Variants in NHS observed in about 807,000 individuals in gnomAD.
NHS encodes the protein actin remodeling regulator NHS.
A neutral mutation model predicts 72.5 loss-of-function variants in NHS; 5 were observed. The observed-to-expected ratio is 0.07, with a 90% confidence interval of 0.04 to 0.14. The LOEUF (loss-of-function observed/expected upper bound fraction) is 0.14. Among genes scored for constraint, NHS ranks in the 10% least tolerant of loss-of-function variants. NHS has a pLI of 1.00. For synonymous variants in NHS, 464 were observed against 547.7 expected, an observed-to-expected ratio of 0.85 and a Z score of 2.13; for missense variants, 1,072 against 1,355.7, an observed-to-expected ratio of 0.79 and a Z score of 3.29.
intron 3 of NHS, among the ~76,000 whole-genome samples, chrX:17,693,643 A>G (rs1465299057): frequency 1.8e-5 from 2 of 112,528 alleles, no homozygotes; most frequent in Non-Finnish European, 3.8e-5. Context: ...TAAGACCTTG[A>G]GTGATAATGG....
intron 1 of NHS, among the ~76,000 whole-genome samples, chrX:17,461,054 C>T (rs1601716464): frequency 8.9e-6 from 1 of 111,934 alleles, no homozygotes; most frequent in Non-Finnish European, 1.9e-5. Flanking sequence ...CTACTTTGTG[C>T]GTGGAACTTT....
intron 1 of NHS, among the ~76,000 whole-genome samples, chrX:17,408,955 G>T (rs1256607759): frequency 1.3e-5 from 1 of 79,592 alleles, no homozygotes; most frequent in East Asian, 3.0e-4. Flanking sequence ...ACGGAGAGAG[G>T]AGAGAGAGAG....
At chrX:17,478,955 G>C (rs1347859138) in intron 1 of NHS, among the ~76,000 whole-genome samples, 2 of 111,069 alleles carry the variant, frequency 1.8e-5, no homozygotes, top group African/African-American at 6.6e-5. Context: ...TGCCGAAGGT[G>C]CGGGTTTGTT....
intron 1 of NHS, among the ~76,000 whole-genome samples, chrX:17,661,643 C>T (rs771942507): frequency 3.6e-5 from 4 of 111,544 alleles, no homozygotes; most frequent in Non-Finnish European, 7.5e-5. Flanking sequence ...ATTATTTTCC[C>T]CAGGCTTCTG....
chrX:17,526,040 G>A (rs2065172012), intron 1 of NHS, among the ~76,000 whole-genome samples: 2 of 112,465 alleles, frequency 1.8e-5, no homozygotes, highest in African/African-American at 6.5e-5. Flanking sequence ...ACACACAGAA[G>A]AGAGAAAAGG....
intron 1 of NHS, among the ~76,000 whole-genome samples, chrX:17,609,183 G>C (rs2065696658): frequency 8.9e-6 from 1 of 112,217 alleles, no homozygotes; most frequent in South Asian, 3.7e-4. Context: ...AATTGAGTCA[G>C]CCAGCCAGGG....
At position 17,728,649 on chromosome X, in the gene NHS, A is replaced by C. The variant is rs2066467329; in HGVS notation, c.4223A>C (p.Glu1408Ala). ...QGNVDEASLK[E>A]SSPSDDSIIS... is the part of the protein sequence containing the mutation. ...AAGATTCTTCTGTTCTTATTTTAAG[A>C]ATCATCACCGAGTGATGACTCCATC... Residue 1408 changes from glutamate (E) to alanine (A), a missense_variant and splice_region_variant, in exon 8 of 9, where the codon GAA (glutamate) becomes GCA (alanine). By Grantham distance (107) the Glu-to-Ala change is moderately radical. Transcript: ENST00000676302. 2 of 1,210,871 alleles carry C rather than the reference A, an allele frequency of 1.7e-6. No individual in the cohort carries two copies. The highest frequency in any genetic ancestry group is 2.2e-6 in the Non-Finnish European group (2 of 895,060).
chrX:17,473,042 CAT>C (rs1206767678), intron 1 of NHS, among the ~76,000 whole-genome samples: 2 of 112,206 alleles, frequency 1.8e-5, no homozygotes, highest in African/African-American at 3.2e-5. Flanking sequence ...CATAAACACA[CAT>C]GATTTATTTA....
intron 1 of NHS, among the ~76,000 whole-genome samples, chrX:17,573,443 G>A (rs942965558): frequency 3.7e-5 from 4 of 108,810 alleles, no homozygotes; most frequent in Non-Finnish European, 7.6e-5. Context: ...TTCAATCACT[G>A]ATATCCTTTC....
At chrX:17,707,658 C>A (rs1202870323) in intron 3 of NHS, among the ~76,000 whole-genome samples, 1 of 111,671 alleles carries the variant, frequency 9.0e-6, no homozygotes, top group Non-Finnish European at 1.9e-5. Flanking sequence ...GAGAAAGCAG[C>A]TTCTGAGAAA....
At chrX:17,649,876 A>G (rs2065922634) in intron 1 of NHS, among the ~76,000 whole-genome samples, 1 of 112,123 alleles carries the variant, frequency 8.9e-6, no homozygotes, top group African/African-American at 3.2e-5. Context: ...CTGGAAGTCA[A>G]GGGAGTCCCT....
At chrX:17,563,697 G>A (rs1348422651) in intron 1 of NHS, among the ~76,000 whole-genome samples, 1 of 110,811 alleles carries the variant, frequency 9.0e-6, no homozygotes, top group African/African-American at 3.3e-5. Flanking sequence ...GAAGATTTTT[G>A]TCATTCTCTG....
intron 1 of NHS, among the ~76,000 whole-genome samples, chrX:17,405,943 A>G (rs553864767): frequency 2.7e-5 from 3 of 112,567 alleles, no homozygotes; most frequent in South Asian, 3.7e-4. Flanking sequence ...CCAGTTCCCT[A>G]TGGGTGGAAG....
At chrX:17,465,003 A>G (rs1433701256) in intron 1 of NHS, among the ~76,000 whole-genome samples, 6 of 112,226 alleles carry the variant, frequency 5.3e-5, no homozygotes, top group Non-Finnish European at 9.4e-5. Context: ...ATATCGGCAA[A>G]GTGCTTTAAA....
intron 1 of NHS, among the ~76,000 whole-genome samples, chrX:17,478,922 T>C (rs2064933379): frequency 8.9e-6 from 1 of 111,918 alleles, no homozygotes; most frequent in African/African-American, 3.3e-5. Flanking sequence ...TTTTTAATTA[T>C]ACTTTAAGTT....
In NHS at chrX:17,376,319, G is replaced by C. The variant is rs1240265816; in HGVS notation, c.562G>C (p.Val188Leu). 1 of 1,148,928 alleles carries C rather than the reference G, an allele frequency of 8.7e-7. No individual in the cohort carries two copies. The highest frequency in any genetic ancestry group is 3.3e-5 in the East Asian group (1 of 30,588). The allele number at this position is 1,148,928 out of a possible 1,213,427, so 94.7% of individuals were successfully genotyped here. A position where few individuals can be genotyped will look rare whatever the true frequency, so the allele number is the denominator to read the frequency against. Residue 188 changes from valine to leucine, a missense_variant, in exon 1 of 9, where the codon GTG (valine) becomes CTG (leucine). Coordinates refer to ENST00000676302, the MANE Select transcript of NHS (RefSeq NM_001291867.2). ...CACGCTTGACCCTAAGCAGGAGGCAGTGCGTGAGTACCCGCGCCGTCCGCC... is the reference window on the plus strand; with the variant it reads ...CACGCTTGACCCTAAGCAGGAGGCACTGCGTGAGTACCCGCGCCGTCCGCC... ...LSTLDPKQEA[V>L]PVSNLDIESK...
rs751589592 is a variant in NHS, at chrX:17,726,817, C to T, written c.2711C>T (p.Ala904Val). 17 of 1,211,772 alleles carry T rather than the reference C, an allele frequency of 1.4e-5. No individual in the cohort carries two copies. Among genetic ancestry groups the T allele is most frequent in the Non-Finnish European group, 1.9e-5 (17 of 895,554 alleles). ...FANTPSRMEN[A>V]NLPTKQEPSW... Reference sequence around the variant, plus strand: ...AACACGCCTTCTCGAATGGAAAACGCCAATCTTCCCACCAAGCAGGAACCT... The same window carrying T: ...AACACGCCTTCTCGAATGGAAAACGTCAATCTTCCCACCAAGCAGGAACCT... The change falls in exon 7 of 9, where the codon GCC becomes GTC. Residue 904 changes from alanine (A) to valine (V), a missense_variant. Ala to Val is a moderately conservative substitution (Grantham distance 64). Transcript: ENST00000676302.
intron 1 of NHS, among the ~76,000 whole-genome samples, chrX:17,563,449 T>C (rs1322232942): frequency 8.9e-6 from 1 of 112,508 alleles, no homozygotes; most frequent in African/African-American, 3.2e-5. Flanking sequence ...CTGTTCCTTC[T>C]TGAAGGACCC....
intron 1 of NHS, among the ~76,000 whole-genome samples, chrX:17,470,134 C>T (rs994875488): frequency 3.6e-5 from 4 of 110,403 alleles, no homozygotes; most frequent in East Asian, 2.9e-4. Flanking sequence ...ATGAGAGAGG[C>T]GTGTTCTTAT....
Sources: allele counts gnomAD v4.1 joint callset (sites outside exome capture counted in the v4.1 genomes callset), GRCh38; gene constraint gnomAD v4.1.1; transcripts MANE v1.5; gene names NCBI Gene and HGNC (gene_info 2026-07-23, HGNC 2026-07-21).